Variants in TADA2A observed in about 807,000 individuals in gnomAD.
The protein encoded by TADA2A is transcriptional adapter 2-alpha.
TADA2A carries 38 observed loss-of-function variants against 67.4 expected under a neutral mutation model. That is an observed-to-expected ratio of 0.56 (90% CI 0.44 to 0.74). The LOEUF is 0.74. Ranked by LOEUF, TADA2A falls within the 30% of genes least tolerant of loss-of-function variation. TADA2A has a pLI of 0.00. For synonymous variants in TADA2A, 192 were observed against 181.6 expected, an observed-to-expected ratio of 1.06 and a Z score of -0.46; for missense variants, 454 against 547.0, an observed-to-expected ratio of 0.83 and a Z score of 1.70.
intron 2 of TADA2A, among the ~76,000 whole-genome samples, chr17:37,418,235 G>A (rs530058807): frequency 6.6e-6 from 1 of 152,310 alleles, no homozygotes; most frequent in East Asian, 1.9e-4. Flanking sequence ...GGTCATATGA[G>A]ATTTTTCATT....
chr17:37,452,923 G>A (rs1440557398), intron 8 of TADA2A, among the ~76,000 whole-genome samples: 1 of 152,116 alleles, frequency 6.6e-6, no homozygotes, highest in Non-Finnish European at 1.5e-5. Flanking sequence ...AGAATCCATG[G>A]TAGTTAATTT....
In TADA2A at chr17:37,411,540, A is replaced by T. The variant is rs2051869572; in HGVS notation, c.25+150A>T. 4 of 727,926 alleles carry T rather than the reference A, an allele frequency of 5.5e-6. No individual in the cohort carries two copies. The Admixed American group carries it at 9.1e-5, about 17-fold the overall frequency. 45.1% of individuals were successfully genotyped at this position (727,926 alleles called of 1,614,324 possible). On this transcript the variant is annotated intron_variant, in intron 2 of 15. Transcript: ENST00000615182. ...CGGCTTTAAACGGTTCTCCTGCCTC[A>T]GCCGCCTGAGTAGCTAGGACTACAG...
chr17:37,471,081 T>C lies in TADA2A; in HGVS notation c.1029-13T>C, dbSNP rs1420078060. 3.1e-6 allele frequency: 5 copies of C among 1,614,018 alleles called. No individual in the cohort carries two copies. The highest frequency in any genetic ancestry group is 4.2e-6 in the Non-Finnish European group (5 of 1,179,996). On this transcript the variant is annotated splice_polypyrimidine_tract_variant and intron_variant, in intron 13 of 15. Coordinates refer to ENST00000615182, the MANE Select transcript of TADA2A (RefSeq NM_001166105.3). ...GATATGACCTAAGTTTAAATTCCTCTTCTTCGTTGTAGTGATTCCGGCCTG... is the reference window on the plus strand; with the variant it reads ...GATATGACCTAAGTTTAAATTCCTCCTCTTCGTTGTAGTGATTCCGGCCTG...
intron 4 of TADA2A, among the ~76,000 whole-genome samples, chr17:37,431,933 T>C (rs1249757127): frequency 1.3e-5 from 2 of 152,200 alleles, no homozygotes; most frequent in African/African-American, 4.8e-5. Context: ...CATCTTTCAG[T>C]ATTTCATTAG....
At chr17:37,439,945 A>ATTT (rs3987837) in intron 5 of TADA2A, among the ~76,000 whole-genome samples, 10 of 94,894 alleles carry the variant, frequency 1.1e-4, no homozygotes, top group East Asian at 2.7e-4. Context: ...TTTATTTATT[A>ATTT]TTTTTTTTTT....
intron 7 of TADA2A, among the ~76,000 whole-genome samples, chr17:37,443,061 C>T (rs1046202995): frequency 2.0e-5 from 3 of 151,896 alleles, no homozygotes; most frequent in Non-Finnish European, 4.4e-5. Context: ...ACTTGGCAGG[C>T]TGATATGGGA....
At chr17:37,457,234 G>GT (rs1246519367) in intron 8 of TADA2A, among the ~76,000 whole-genome samples, 6 of 127,926 alleles carry the variant, frequency 4.7e-5, no homozygotes, top group African/African-American at 1.5e-4. Context: ...TGGCTGGAAT[G>GT]TAGTGGTGCC....
At chr17:37,430,677 A>G (rs1484649200) in intron 4 of TADA2A, among the ~76,000 whole-genome samples, 1 of 152,202 alleles carries the variant, frequency 6.6e-6, no homozygotes, top group Non-Finnish European at 1.5e-5. Context: ...TGTGGTTCAG[A>G]AGTGCTGAGG....
chr17:37,412,008 A>G (rs2051890391), intron 2 of TADA2A, among the ~76,000 whole-genome samples: 1 of 151,372 alleles, frequency 6.6e-6, no homozygotes, highest in East Asian at 2.0e-4. Context: ...CAGGAGATGG[A>G]GACCATCCTG....
At chr17:37,407,733 C>T (rs1197662912) in intron 1 of TADA2A, among the ~76,000 whole-genome samples, 3 of 151,982 alleles carry the variant, frequency 2.0e-5, no homozygotes, top group African/African-American at 7.2e-5. Flanking sequence ...GTGCCTGAGG[C>T]GTGGGCCACC....
chr17:37,430,461 G>A (rs772897956), intron 4 of TADA2A, among the ~76,000 whole-genome samples: 1 of 152,188 alleles, frequency 6.6e-6, no homozygotes, highest in Non-Finnish European at 1.5e-5. Context: ...ATTTTTGGGA[G>A]TTACTCATGC....
In TADA2A at chr17:37,440,601, C is replaced by T; in HGVS notation, c.381C>T (p.Thr127=). ...TCAATAACCCTCTGTTTGCATCTAC[C>T]CTGCTGAACCTGAAACAAGCAGAGG... is the stretch of plus-strand genomic sequence containing the variant. ...HFINNPLFAS[T]LLNLKQAEEA... is the part of the protein sequence containing the mutation. Residue 127 remains threonine, a synonymous_variant, in exon 6 of 16, where the codon ACC becomes ACT. Coordinates refer to ENST00000615182, the MANE Select transcript of TADA2A (RefSeq NM_001166105.3). 2 of 1,614,060 alleles carry T rather than the reference C, an allele frequency of 1.2e-6. No homozygotes were observed. The highest frequency in any genetic ancestry group is 1.7e-6 in the Non-Finnish European group (2 of 1,180,018).
At chr17:37,464,875 G>C (rs1343286259) in intron 10 of TADA2A, among the ~76,000 whole-genome samples, 1 of 149,552 alleles carries the variant, frequency 6.7e-6, no homozygotes, top group Non-Finnish European at 1.5e-5. Flanking sequence ...GGCTGGGCGC[G>C]GTGGCTCATG....
chr17:37,426,668 A>G, intron 3 of TADA2A: 1 of 180,650 alleles, frequency 5.5e-6, no homozygotes, highest in Non-Finnish European at 1.1e-5. Flanking sequence ...CGTCTCAGAA[A>G]AAAAAAAAAA....
chr17:37,423,726 A>G lies in TADA2A; in HGVS notation c.132+111A>G, dbSNP rs1597860137. ...AGGAGATCTATGTCTTATTAAATCT[A>G]TTCCTTCCAATTTTTCTTTTTCTTT... On this transcript the variant is annotated intron_variant, in intron 3 of 15. Coordinates refer to ENST00000615182, the MANE Select transcript of TADA2A (RefSeq NM_001166105.3). 14 of 734,136 alleles carry G rather than the reference A, an allele frequency of 1.9e-5. 1 individual carries two copies. The East Asian group carries it at 4.0e-4, about 21-fold the overall frequency. 45.5% of individuals were successfully genotyped at this position (734,136 alleles called of 1,614,324 possible). A position where few individuals can be genotyped will look rare whatever the true frequency, so the allele number is the denominator to read the frequency against.
At chr17:37,424,777 A>C (rs1407719722) in intron 3 of TADA2A, among the ~76,000 whole-genome samples, 1 of 152,148 alleles carries the variant, frequency 6.6e-6, no homozygotes, top group Non-Finnish European at 1.5e-5. Context: ...GCTGGTCTTG[A>C]ACTCCAGACC....
intron 9 of TADA2A, 175 bp from the exon 10 acceptor site, chr17:37,461,903 C>T: frequency 1.8e-6 from 1 of 542,656 alleles, no homozygotes; most frequent in Non-Finnish European, 3.3e-6. Context: ...GCCTGAGAGT[C>T]TAAAATTGGG....
Position 37,440,496 on chromosome 17 carries a change from A to G in TADA2A, c.285-9A>G, listed in dbSNP as rs1170905021. Reference sequence around the variant, plus strand: ...GTACCACTTCTCTCTTTTTCCCACAATCCTCTAGGCAGGATGTAGCCAATC... The same window carrying G: ...GTACCACTTCTCTCTTTTTCCCACAGTCCTCTAGGCAGGATGTAGCCAATC... On this transcript the variant is annotated splice_polypyrimidine_tract_variant and intron_variant, in intron 5 of 15. Transcript: ENST00000615182. 6.2e-7 allele frequency: 1 copy of G among 1,612,370 alleles called. No homozygotes were observed. The highest frequency in any genetic ancestry group is 8.5e-7 in the Non-Finnish European group (1 of 1,179,222).
rs1025854931 is a variant in TADA2A at position 37,415,385 on chromosome 17, T to A, written c.25+3995T>A. On this transcript the variant is annotated intron_variant, in intron 2 of 15. Transcript: ENST00000615182. ...CTTCATTGTGTGGATATGTTATTAT[T>A]CAAATAATTGCTTATACTTGGACAT... 3.9e-5 allele frequency among the ~76,000 whole-genome samples: 6 copies of A among 152,302 alleles called. No homozygotes were observed. The East Asian group carries it at 1.2e-3, about 29-fold the overall frequency.
Sources: gnomAD v4.1 joint callset for allele counts (sites outside exome capture counted in the v4.1 genomes callset) on GRCh38, gnomAD v4.1.1 for gene constraint, MANE v1.5 for transcripts, NCBI Gene and HGNC (gene_info 2026-07-23, HGNC 2026-07-21) for gene names.